Variants in TENM2 observed in about 807,000 individuals in gnomAD.
TENM2 encodes teneurin-2.
TENM2 carries 52 observed loss-of-function variants against 245.2 expected under a neutral mutation model. The observed-to-expected ratio is 0.21, with a 90% CI of 0.17 to 0.27. TENM2 has a LOEUF of 0.27. Among genes scored for constraint, TENM2 ranks in the 10% least tolerant of loss-of-function variants. The probability of loss-of-function intolerance (pLI) is 1.00; values close to 1 mark genes in which losing one functional copy is unlikely to be tolerated. For missense variants in TENM2, 3,046 were observed against 3,666.8 expected (o/e 0.83, Z 4.37); for synonymous variants, 1,363 against 1,438.9 (o/e 0.95, Z 1.19).
At chr5:168,201,529 A>G (rs1462296736) in intron 17 of TENM2, among the ~76,000 whole-genome samples, 2 of 152,072 alleles carry the variant, frequency 1.3e-5, no homozygotes, top group African/African-American at 4.8e-5. Flanking sequence ...AGCAAGCCCT[A>G]GACGTCACAT....
At chr5:168,229,270 C>T (rs887414712) in intron 25 of TENM2, among the ~76,000 whole-genome samples, 2 of 132,140 alleles carry the variant, frequency 1.5e-5, no homozygotes, top group Admixed American at 7.5e-5. Context: ...TCCCACGTCT[C>T]TCTTTCTGTC....
rs1486702733 is a variant in TENM2, at chr5:167,715,774, T to C, written c.503-160212T>C. 2.0e-5 allele frequency among the ~76,000 whole-genome samples: 3 copies of C among 152,180 alleles called. No individual in the cohort carries two copies. In the South Asian group the frequency reaches 6.2e-4, roughly 32 times the overall value. On this transcript the variant is annotated intron_variant, in intron 2 of 28. Transcript: ENST00000518659. ...TGGGTTCAAAACTTGCCTCTTTGGA[T>C]TCTCATTTTATATAGAACATGCAAG...
At chr5:167,192,642 A>G in the TENM2 span, among the ~76,000 whole-genome samples, 1 of 152,108 alleles carries the variant, frequency 6.6e-6, no homozygotes, top group African/African-American at 2.4e-5. Context: ...TCAGATAGGC[A>G]ATATCCTTCA....
chr5:167,560,089 A>C (rs1382185591), intron 2 of TENM2, among the ~76,000 whole-genome samples: 3 of 152,086 alleles, frequency 2.0e-5, no homozygotes. Context: ...CAGCACAGTA[A>C]CAGTGACCTG....
intron 2 of TENM2, among the ~76,000 whole-genome samples, chr5:167,613,060 A>AT (rs1287487650): frequency 2.0e-5 from 3 of 152,110 alleles, no homozygotes; most frequent in Non-Finnish European, 2.9e-5. Context: ...AAATGCTATC[A>AT]TTATTCAAAT....
intron 4 of TENM2, among the ~76,000 whole-genome samples, chr5:167,989,268 A>AAGAGAGAGAGAGAG (rs10617322): frequency 9.9e-4 from 144 of 145,008 alleles, no homozygotes; most frequent in African/African-American, 3.3e-3. Context: ...AAGATAGAGA[A>AAGAGAGAGAGAGAG]AGAGAGAGAG....
the TENM2 span, among the ~76,000 whole-genome samples, chr5:167,146,190 G>A: frequency 2.0e-5 from 3 of 152,044 alleles, no homozygotes; most frequent in Admixed American, 2.0e-4. Flanking sequence ...TGACAATATG[G>A]GCTAACTTGT....
chr5:168,207,851 T>C (rs1446957142), intron 19 of TENM2, among the ~76,000 whole-genome samples: 2 of 152,200 alleles, frequency 1.3e-5, no homozygotes, highest in African/African-American at 4.8e-5. Flanking sequence ...CTCCAAAACA[T>C]GCAGGGACAA....
chr5:167,562,681 T>C (rs1197189107), intron 2 of TENM2, among the ~76,000 whole-genome samples: 2 of 151,858 alleles, frequency 1.3e-5, no homozygotes, highest in Non-Finnish European at 2.9e-5. Flanking sequence ...AAATAGAAAA[T>C]GGTGGCAAGT....
At chr5:167,815,116 T>G (rs1184033756) in intron 2 of TENM2, among the ~76,000 whole-genome samples, 1 of 152,116 alleles carries the variant, frequency 6.6e-6, no homozygotes, top group Admixed American at 6.5e-5. Context: ...TTCTTTGTGG[T>G]TTTAAGCAGA....
chr5:167,724,734 G>T (rs76054177), intron 2 of TENM2, among the ~76,000 whole-genome samples: 2,672 of 152,280 alleles, frequency 0.018, 65 homozygotes, highest in African/African-American at 0.051. Flanking sequence ...AACACACAAA[G>T]ATCCTAGGGT....
chr5:167,076,294 T>C, the TENM2 span, among the ~76,000 whole-genome samples: 1 of 152,184 alleles, frequency 6.6e-6, no homozygotes. Context: ...TCTTTCATCT[T>C]CACTAAAAAT....
the TENM2 span, among the ~76,000 whole-genome samples, chr5:167,224,822 C>T: frequency 6.6e-6 from 1 of 151,924 alleles, no homozygotes; most frequent in Admixed American, 6.6e-5. Flanking sequence ...ATTAATTGTT[C>T]TAATCCATAG....
intron 3 of TENM2, among the ~76,000 whole-genome samples, chr5:167,923,641 C>G (rs530750622): frequency 1.6e-4 from 24 of 152,166 alleles, no homozygotes; most frequent in African/African-American, 5.5e-4. Context: ...CATGTATTAG[C>G]TCATTGATTT....
intron 5 of TENM2, among the ~76,000 whole-genome samples, chr5:168,041,754 C>A (rs895397023): frequency 6.6e-6 from 1 of 152,074 alleles, no homozygotes; most frequent in African/African-American, 2.4e-5. Flanking sequence ...CATCTGACAC[C>A]CAGTGGGTGT....
chr5:168,109,314 C>A (rs929070208), intron 9 of TENM2, among the ~76,000 whole-genome samples: 1 of 152,164 alleles, frequency 6.6e-6, no homozygotes, highest in Non-Finnish European at 1.5e-5. Flanking sequence ...GATAAAATAG[C>A]GTAAGAAGAA....
chr5:167,837,133 C>T (rs1376964864), intron 2 of TENM2, among the ~76,000 whole-genome samples: 1 of 151,968 alleles, frequency 6.6e-6, no homozygotes, highest in African/African-American at 2.4e-5. Flanking sequence ...TAATATATTT[C>T]TCACATGATT....
chr5:167,876,157 T>G, exon 3 of TENM2: 1 of 1,551,566 alleles, frequency 6.4e-7, no homozygotes, highest in South Asian at 1.2e-5. Flanking sequence ...TCATACCTGC[T>G]CAGAGCATGC....
intron 1 of TENM2, among the ~76,000 whole-genome samples, chr5:167,285,835 T>G (rs909417372): frequency 3.9e-5 from 6 of 152,206 alleles, no homozygotes; most frequent in African/African-American, 1.2e-4. Flanking sequence ...ACCGAATGCC[T>G]CGGGAAGGGT....
Sources: allele counts gnomAD v4.1 joint callset (sites outside exome capture counted in the v4.1 genomes callset), GRCh38; gene constraint gnomAD v4.1.1; transcripts MANE v1.5; gene names NCBI Gene and HGNC (gene_info 2026-07-23, HGNC 2026-07-21).